Variants in TPRG1 observed in about 807,000 individuals in gnomAD.
The protein encoded by TPRG1 is tumor protein p63-regulated gene 1 protein.
A neutral mutation model predicts 29.3 loss-of-function variants in TPRG1; 29 were observed. The observed-to-expected ratio is 0.99, with a 90% CI of 0.74 to 1.35. TPRG1 has a LOEUF of 1.35. Ranked by LOEUF, TPRG1 falls within the 40% of genes most tolerant of loss-of-function variation. TPRG1 has a pLI of 0.00. For missense variants in TPRG1, 327 were observed against 335.0 expected, an observed-to-expected ratio of 0.98 and a Z score of 0.19; for synonymous variants, 130 against 116.8, an observed-to-expected ratio of 1.11 and a Z score of -0.73.
intron 4 of TPRG1, among the ~76,000 whole-genome samples, chr3:189,029,483 T>C (rs1289235094): frequency 4.6e-5 from 7 of 152,178 alleles, no homozygotes; most frequent in African/African-American, 1.7e-4. Flanking sequence ...AGCAATTCAA[T>C]AGGCTTTTCC....
chr3:189,161,446 C>A (rs1185008414), intron 5 of TPRG1, among the ~76,000 whole-genome samples: 1 of 144,662 alleles, frequency 6.9e-6, no homozygotes, highest in Admixed American at 6.9e-5. Flanking sequence ...TGCCTCCTAG[C>A]TTAATAAGTA....
intron 4 of TPRG1, among the ~76,000 whole-genome samples, chr3:189,263,252 CTT>C (rs1013169707): frequency 1.3e-5 from 2 of 152,166 alleles, no homozygotes; most frequent in African/African-American, 4.8e-5. Context: ...TCCAGAAAGA[CTT>C]TTCTAAAGAA....
rs978189188 is a variant in TPRG1, at chr3:189,140,579, C to T, written c.-290-7005C>T. On this transcript the variant is annotated intron_variant, in intron 3 of 6. Transcript: ENST00000412373. Reference sequence around the variant, plus strand: ...ATTCTCCTTCTCTTGTCTTGCACCCCGCTGGTGTCCAGAAGGCCAGTCTCT... The same window carrying T: ...ATTCTCCTTCTCTTGTCTTGCACCCTGCTGGTGTCCAGAAGGCCAGTCTCT... Among the ~76,000 whole-genome samples, 7 of 152,252 alleles carry T rather than the reference C, an allele frequency of 4.6e-5. 1 individual carries two copies. The highest frequency in any genetic ancestry group is 1.0e-4 in the Non-Finnish European group (7 of 68,016).
intron 1 of TPRG1, among the ~76,000 whole-genome samples, chr3:189,118,734 G>A (rs1256856138): frequency 6.6e-6 from 1 of 152,218 alleles, no homozygotes; most frequent in Non-Finnish European, 1.5e-5. Context: ...TCCATGTGGT[G>A]TTGGTCCTGT....
intron 4 of TPRG1, among the ~76,000 whole-genome samples, chr3:189,299,601 A>C (rs1017880450): frequency 6.6e-6 from 1 of 150,922 alleles, no homozygotes; most frequent in Admixed American, 6.6e-5. Context: ...AGGAATGGGC[A>C]TTTTTGTTTT....
intron 5 of TPRG1, among the ~76,000 whole-genome samples, chr3:189,311,039 C>T (rs1722403209): frequency 6.6e-6 from 1 of 152,146 alleles, no homozygotes; most frequent in Non-Finnish European, 1.5e-5. Flanking sequence ...TGTATAAATA[C>T]TCCATGAAGT....
chr3:189,093,516 T>C (rs956341565), intron 4 of TPRG1, among the ~76,000 whole-genome samples: 2 of 152,222 alleles, frequency 1.3e-5, no homozygotes, highest in Admixed American at 1.3e-4. Context: ...TGAAATGGTC[T>C]CTTATTTTGT....
chr3:189,280,032 T>C (rs1360902875), intron 4 of TPRG1, among the ~76,000 whole-genome samples: 1 of 152,174 alleles, frequency 6.6e-6, no homozygotes, highest in African/African-American at 2.4e-5. Flanking sequence ...CATTATGGTA[T>C]GGTTGGATAG....
At chr3:189,188,126 AG>A (rs1355645332) in intron 1 of TPRG1, among the ~76,000 whole-genome samples, 2 of 152,234 alleles carry the variant, frequency 1.3e-5, no homozygotes, top group African/African-American at 4.8e-5. Context: ...ATTGAAAAAA[AG>A]AAAAACTGTT....
At chr3:189,243,250 A>G (rs1740900968) in intron 4 of TPRG1, among the ~76,000 whole-genome samples, 2 of 152,288 alleles carry the variant, frequency 1.3e-5, no homozygotes, top group South Asian at 2.1e-4. Flanking sequence ...AGAGAGGGGT[A>G]GGTGCTACAT....
chr3:189,031,922 G>A (rs1713954539), intron 4 of TPRG1, among the ~76,000 whole-genome samples: 1 of 152,048 alleles, frequency 6.6e-6, no homozygotes, highest in South Asian at 2.1e-4. Context: ...ATAGAGTTTG[G>A]GAAAGAGGGT....
At chr3:189,202,775 G>A (rs891038728) in intron 1 of TPRG1, among the ~76,000 whole-genome samples, 2 of 152,256 alleles carry the variant, frequency 1.3e-5, no homozygotes, top group Non-Finnish European at 1.5e-5. Context: ...TGCAGCGCTC[G>A]CTGTGGGACT....
At chr3:189,218,079 G>A (rs1020473073) in intron 3 of TPRG1, 23 of 963,370 alleles carry the variant, frequency 2.4e-5, no homozygotes, top group Non-Finnish European at 2.7e-5. Flanking sequence ...GCTGTAATAT[G>A]GACCAACTAC....
intron 1 of TPRG1, among the ~76,000 whole-genome samples, chr3:189,204,261 A>G (rs1483435206): frequency 6.6e-6 from 1 of 152,108 alleles, no homozygotes; most frequent in East Asian, 1.9e-4. Context: ...TTTGATTTTG[A>G]TCTGTTACTG....
chr3:189,011,370 G>A (rs1406888512), intron 3 of TPRG1, among the ~76,000 whole-genome samples: 1 of 152,174 alleles, frequency 6.6e-6, no homozygotes, highest in African/African-American at 2.4e-5. Context: ...CCATTTTCAC[G>A]ATATTGATTC....
chr3:189,012,891 T>C (rs895991726), intron 3 of TPRG1, among the ~76,000 whole-genome samples: 3 of 152,168 alleles, frequency 2.0e-5, no homozygotes, highest in African/African-American at 7.2e-5. Context: ...TCTTTTCTTC[T>C]TTGTTAGTCT....
chr3:189,208,664 TTGTG>T (rs1379015314), intron 2 of TPRG1, among the ~76,000 whole-genome samples: 1 of 152,150 alleles, frequency 6.6e-6, no homozygotes, highest in African/African-American at 2.4e-5. Context: ...ATATGTGTGT[TTGTG>T]TGAGTGTTTC....
Position 189,324,541 on chromosome 3 carries a change from G to A in TPRG1, c.*3721G>A, listed in dbSNP as rs1420529600. The A allele has an allele frequency of 2.0e-5, 3 of 152,124 alleles. No homozygotes were observed. Among genetic ancestry groups the A allele is most frequent in the African/African-American group, 7.2e-5 (3 of 41,424 alleles). The allele number at this position is 152,124 out of a possible 1,614,324, so 9.4% of individuals were successfully genotyped here. A position where few individuals can be genotyped will look rare whatever the true frequency, so the allele number is the denominator to read the frequency against. On this transcript the variant is annotated 3_prime_UTR_variant, in exon 6 of 6. Transcript: ENST00000345063. The stretch of plus-strand genomic sequence containing the variant: ...CTTAAAGGCTAAGGACACTTATAGA[G>A]CTCTCCGATTTCCTATCTGATAAAA...
chr3:189,070,661 A>C (rs1259100045), intron 4 of TPRG1, among the ~76,000 whole-genome samples: 1 of 152,226 alleles, frequency 6.6e-6, no homozygotes, highest in Non-Finnish European at 1.5e-5. Flanking sequence ...GAAAGAGAAC[A>C]ATACGACAGT....
Sources: allele counts gnomAD v4.1 joint callset (sites outside exome capture counted in the v4.1 genomes callset), GRCh38; gene constraint gnomAD v4.1.1; transcripts MANE v1.5; gene names NCBI Gene and HGNC (gene_info 2026-07-23, HGNC 2026-07-21).